SMARCA4: variants seen among roughly 807,000 people sequenced by gnomAD.
SMARCA4 encodes the protein SWI/SNF-related matrix-associated actin-dependent regulator of chromatin subfamily A member 4.
Under a neutral mutation model 193.9 loss-of-function variants are expected in SMARCA4, and 31 were observed. The observed-to-expected ratio is 0.16, with a 90% CI of 0.12 to 0.22. The LOEUF (loss-of-function observed/expected upper bound fraction) is 0.22, where lower values mean the gene tolerates loss of function less well. Ranked by LOEUF, SMARCA4 falls within the 10% of genes least tolerant of loss-of-function variation. SMARCA4 has a pLI of 1.00. For synonymous variants in SMARCA4, 942 were observed against 933.1 expected, an observed-to-expected ratio of 1.01 and a Z score of -0.17; for missense variants, 1,148 against 2,296.0, an observed-to-expected ratio of 0.50 and a Z score of 10.22.
intron 30 of SMARCA4, among the ~76,000 whole-genome samples, chr19:11,044,084 A>G (rs951892674): frequency 2.0e-5 from 3 of 152,164 alleles, no homozygotes; most frequent in Non-Finnish European, 4.4e-5. Context: ...GAAACTTAAC[A>G]TTACCAACCT....
chr19:11,013,854 A>G (rs1162071212), intron 16 of SMARCA4, among the ~76,000 whole-genome samples: 1 of 152,134 alleles, frequency 6.6e-6, no homozygotes, highest in Non-Finnish European at 1.5e-5. Context: ...GGACACCCTG[A>G]GAGGCTCTCA....
At chr19:10,991,383 G>T in intron 8 of SMARCA4, 60 bp downstream of exon 8, 1 of 1,551,036 alleles carries the variant, frequency 6.4e-7, no homozygotes, top group Non-Finnish European at 8.7e-7. Context: ...GGCTTGTCCA[G>T]CGGTTGCCAC....
intron 30 of SMARCA4, among the ~76,000 whole-genome samples, chr19:11,049,961 G>C (rs1395423288): frequency 2.6e-5 from 4 of 152,198 alleles, no homozygotes; most frequent in Non-Finnish European, 5.9e-5. Flanking sequence ...AATTAGCCAG[G>C]CATGGTGGCA....
intron 32 of SMARCA4, chr19:11,059,360 C>T (rs1253433846): frequency 3.0e-6 from 1 of 332,846 alleles, no homozygotes; most frequent in Admixed American, 4.6e-5. Context: ...TCTTAAGTGT[C>T]TTTGGGATTG....
intron 1 of SMARCA4, among the ~76,000 whole-genome samples, chr19:10,970,610 C>T (rs1198368431): frequency 6.6e-6 from 1 of 152,160 alleles, no homozygotes; most frequent in Non-Finnish European, 1.5e-5. Flanking sequence ...GGGTGCTATA[C>T]TTCCTAGGCT....
chr19:10,964,164 T>C (rs532726846), intron 1 of SMARCA4, among the ~76,000 whole-genome samples: 1 of 152,226 alleles, frequency 6.6e-6, no homozygotes, highest in South Asian at 2.1e-4. Flanking sequence ...TTATTTACAA[T>C]TTATTTGTGT....
intron 1 of SMARCA4, among the ~76,000 whole-genome samples, chr19:10,969,903 G>A (rs2084542266): frequency 6.6e-6 from 1 of 152,130 alleles, no homozygotes; most frequent in African/African-American, 2.4e-5. Flanking sequence ...CCACTGCACT[G>A]GATGCTCCTG....
chr19:10,972,605 TG>T (rs764864123), intron 1 of SMARCA4, among the ~76,000 whole-genome samples: 16 of 152,036 alleles, frequency 1.1e-4, no homozygotes, highest in Non-Finnish European at 2.1e-4. Context: ...GCTGTGGCGG[TG>T]GGGAAGGCCT....
intron 1 of SMARCA4, among the ~76,000 whole-genome samples, chr19:10,965,555 A>C (rs894270818): frequency 6.6e-6 from 1 of 152,166 alleles, no homozygotes; most frequent in African/African-American, 2.4e-5. Context: ...AACAGCAGGG[A>C]TGCATTCTGA....
chr19:11,018,836 C>T (rs1251638884), intron 16 of SMARCA4, 121 bp from the exon 17 acceptor site: 14 of 829,892 alleles, frequency 1.7e-5, no homozygotes, highest in Admixed American at 5.1e-5. Context: ...CACAGTTTCT[C>T]TGCCCACTCG....
chr19:11,017,895 G>A (rs774590347), intron 16 of SMARCA4, among the ~76,000 whole-genome samples: 7 of 152,176 alleles, frequency 4.6e-5, no homozygotes, highest in Non-Finnish European at 1.0e-4. Flanking sequence ...TGCCTCCCTC[G>A]CCTCATGCAG....
At position 11,034,610 on chromosome 19, in the gene SMARCA4, G is replaced by A. The variant is rs1201465433; in HGVS notation, c.3952-304G>A. On this transcript the variant is annotated intron_variant, in intron 28 of 34. Coordinates refer to ENST00000344626, the MANE Select transcript of SMARCA4 (RefSeq NM_003072.5). The surrounding 1 kb of genome is among the most constrained non-coding windows in gnomAD (Gnocchi z 7.0). Reference sequence around the variant, plus strand: ...CAAGCAGGGGCCCCTTGGCCCGCAGGCCTCATGCCTCCACCAACGCTGGGC... The same window carrying A: ...CAAGCAGGGGCCCCTTGGCCCGCAGACCTCATGCCTCCACCAACGCTGGGC... Among the ~76,000 whole-genome samples the A allele has an allele frequency of 6.6e-6, 1 of 152,158 alleles. No homozygotes were observed.
At chr19:10,976,222 G>A (rs2145606622) in intron 1 of SMARCA4, among the ~76,000 whole-genome samples, 1 of 152,318 alleles carries the variant, frequency 6.6e-6, no homozygotes, top group South Asian at 2.1e-4. Flanking sequence ...AAGGGGTAGA[G>A]AGAGAGGTGT....
chr19:11,049,627 G>T (rs936189745), intron 30 of SMARCA4, among the ~76,000 whole-genome samples: 1 of 152,086 alleles, frequency 6.6e-6, no homozygotes, highest in African/African-American at 2.4e-5. Flanking sequence ...GGCATTTGGG[G>T]CACTGTGTCC....
Position 11,041,330 on chromosome 19 carries a change from G to A in SMARCA4, c.4194G>A (p.Glu1398=), listed in dbSNP as rs1555788088. The change falls in exon 30 of 35, where the codon GAG becomes GAA. Residue 1398 remains glutamate (E), a synonymous_variant. Transcript: ENST00000344626. The surrounding 1 kb of genome is among the most constrained non-coding windows in gnomAD (Gnocchi z 5.6). ...WLKAIEEGTL[E]EIEEEVRQKK... is the part of the protein sequence containing the mutation. ...AGGCCATCGAGGAGGGCACGCTGGAGGAGATCGAAGAGGAGGTCCGGCAGA... is the reference window on the plus strand; with the variant it reads ...AGGCCATCGAGGAGGGCACGCTGGAAGAGATCGAAGAGGAGGTCCGGCAGA... 6.2e-7 allele frequency: 1 copy of A among 1,611,822 alleles called. No individual in the cohort carries two copies. Among genetic ancestry groups the A allele is most frequent in the Non-Finnish European group, 8.5e-7 (1 of 1,179,994 alleles).
At chr19:11,039,589 C>T (rs200720244) in intron 29 of SMARCA4, 4 of 1,281,116 alleles carry the variant, frequency 3.1e-6, no homozygotes, top group Non-Finnish European at 4.4e-6. Context: ...GCGCTGAGGG[C>T]TGCACAACAC....
In SMARCA4 at chr19:10,985,154, G is replaced by A. The variant is rs191415247; in HGVS notation, c.223-119G>A. The A allele has an allele frequency of 1.4e-3, 1,422 of 1,007,808 alleles. 2 individuals carry two copies. Among genetic ancestry groups the A allele is most frequent in the Admixed American group, 4.7e-3 (257 of 54,548 alleles). The allele number at this position is 1,007,808 out of a possible 1,614,324, so 62.4% of individuals were successfully genotyped here. On this transcript the variant is annotated intron_variant, in intron 2 of 34. Coordinates refer to ENST00000344626, the MANE Select transcript of SMARCA4 (RefSeq NM_003072.5). The surrounding 1 kb of genome is among the most constrained non-coding windows in gnomAD (Gnocchi z 4.5). ...GAGTCATGCTGGGGACTGGGGAGATGCGCGTCATCTTCGGGTGGCTGTTCT... is the reference window on the plus strand; with the variant it reads ...GAGTCATGCTGGGGACTGGGGAGATACGCGTCATCTTCGGGTGGCTGTTCT...
intron 10 of SMARCA4, 37 bp downstream of exon 10, chr19:10,996,417 G>C (rs757876981): frequency 5.3e-5 from 85 of 1,613,826 alleles, no homozygotes; most frequent in Non-Finnish European, 6.8e-5. Flanking sequence ...CCGCGGGTGG[G>C]ATGGGAGCAG....
intron 23 of SMARCA4, among the ~76,000 whole-genome samples, chr19:11,027,290 G>A (rs2090331096): frequency 6.6e-6 from 1 of 152,112 alleles, no homozygotes; most frequent in Admixed American, 6.5e-5. Context: ...ATATCACGTC[G>A]TCCCCCTGCC....
Sources: allele counts gnomAD v4.1 joint callset (sites outside exome capture counted in the v4.1 genomes callset), GRCh38; gene constraint gnomAD v4.1.1; non-coding constraint Gnocchi (gnomAD v3.1); transcripts MANE v1.5; gene names NCBI Gene and HGNC (gene_info 2026-07-23, HGNC 2026-07-21).